NMBR: variants seen among roughly 807,000 people sequenced by gnomAD.
The protein encoded by NMBR is neuromedin-B receptor.
A neutral mutation model predicts 20.5 loss-of-function variants in NMBR; 16 were observed. The ratio of observed to expected loss-of-function variants is 0.78; its 90% CI spans 0.53 to 1.19. NMBR has a LOEUF of 1.19. Ranked by LOEUF, NMBR falls within the 50% of genes most tolerant of loss-of-function variation. The pLI, the probability that NMBR is intolerant of heterozygous loss-of-function variation, is 0.00. For synonymous variants in NMBR, 212 were observed against 196.6 expected (o/e 1.08, Z -0.65); for missense variants, 582 against 499.1 (o/e 1.17, Z -1.58).
Position 142,075,211 on chromosome 6 carries a change from C to T in NMBR, c.*437G>A, listed in dbSNP as rs948031985. ...AATAGGAGTTTGAATATTACCCTCA[C>T]TGAATCATTGAGTCAATATAGAAAT... On this transcript the variant is annotated 3_prime_UTR_variant, in exon 4 of 4. Transcript: ENST00000258042. Among the ~76,000 whole-genome samples, 5 of 152,130 alleles carry T rather than the reference C, an allele frequency of 3.3e-5. No homozygotes were observed. In the East Asian group the frequency reaches 7.7e-4, roughly 24 times the overall value.
intron 1 of NMBR, among the ~76,000 whole-genome samples, chr6:142,091,731 C>T (rs1777328463): frequency 6.6e-6 from 1 of 152,072 alleles, no homozygotes; most frequent in South Asian, 2.1e-4. Flanking sequence ...TCTGTTATGT[C>T]TCTTTGTTTC....
At chr6:142,131,922 T>C (rs1334822986) in intron 1 of NMBR, among the ~76,000 whole-genome samples, 1 of 152,216 alleles carries the variant, frequency 6.6e-6, no homozygotes, top group Non-Finnish European at 1.5e-5. Flanking sequence ...TTCCTTCTTA[T>C]GCAAATGGTT....
chr6:142,132,677 T>A (rs1369263861), intron 1 of NMBR, among the ~76,000 whole-genome samples: 1 of 152,222 alleles, frequency 6.6e-6, no homozygotes, highest in Non-Finnish European at 1.5e-5. Context: ...ATTTCCCATG[T>A]ACTTTTCCTT....
intron 1 of NMBR, among the ~76,000 whole-genome samples, chr6:142,100,015 CT>C (rs1777530872): frequency 6.6e-6 from 1 of 152,106 alleles, no homozygotes; most frequent in Non-Finnish European, 1.5e-5. Flanking sequence ...CAAGATACCC[CT>C]ATACATTTAT....
chr6:142,097,316 G>T (rs1777474011), intron 1 of NMBR, among the ~76,000 whole-genome samples: 1 of 152,130 alleles, frequency 6.6e-6, no homozygotes, highest in African/African-American at 2.4e-5. Flanking sequence ...GGTACCAGTT[G>T]TTCCTTTCCA....
At chr6:142,100,209 C>T (rs1468637971) in intron 1 of NMBR, among the ~76,000 whole-genome samples, 1 of 152,172 alleles carries the variant, frequency 6.6e-6, no homozygotes, top group Non-Finnish European at 1.5e-5. Flanking sequence ...ACACTCCTTC[C>T]TGTTTACCCA....
intron 2 of NMBR, among the ~76,000 whole-genome samples, chr6:142,086,447 G>GA (rs1777201345): frequency 1.3e-5 from 2 of 151,994 alleles, no homozygotes; most frequent in African/African-American, 4.8e-5. Context: ...TGCTCTAGAA[G>GA]AAAAATAGAA....
chr6:142,144,488 C>T (rs1778400181), intron 1 of NMBR, among the ~76,000 whole-genome samples: 1 of 152,126 alleles, frequency 6.6e-6, no homozygotes, highest in Admixed American at 6.5e-5. Context: ...CCCTCACCCC[C>T]TATTTTGTTC....
chr6:142,137,336 C>T lies in NMBR; in HGVS notation c.-664+9708G>A, dbSNP rs527313989. On this transcript the variant is annotated intron_variant, in intron 1 of 3. Transcript: ENST00000258042. Reference sequence around the variant, plus strand: ...TCTACGAATGCTTGTGATTTTTGTACATTGATTTTGTATCCTGAGACTTTG... The same window carrying T: ...TCTACGAATGCTTGTGATTTTTGTATATTGATTTTGTATCCTGAGACTTTG... Among the ~76,000 whole-genome samples the T allele has an allele frequency of 7.2e-5, 11 of 152,172 alleles. No individual in the cohort carries two copies. The East Asian group carries it at 1.7e-3, about 24-fold the overall frequency.
Position 142,098,691 on chromosome 6 carries a change from C to T in NMBR, c.-663-9370G>A, listed in dbSNP as rs150149109. Among the ~76,000 whole-genome samples the T allele has an allele frequency of 5.1e-4, 77 of 152,152 alleles. No homozygotes were observed. In the East Asian group the frequency reaches 0.015, roughly 29 times the overall value. On this transcript the variant is annotated intron_variant, in intron 1 of 3. Transcript: ENST00000258042. ...AGAACTAAATAAATAAAAAGATATTCCATATTCATGGATTGGAAAACTCAA... is the reference window on the plus strand; with the variant it reads ...AGAACTAAATAAATAAAAAGATATTTCATATTCATGGATTGGAAAACTCAA...
chr6:142,141,140 G>A (rs1778355112), intron 1 of NMBR, among the ~76,000 whole-genome samples: 1 of 152,158 alleles, frequency 6.6e-6, no homozygotes, highest in African/African-American at 2.4e-5. Context: ...CTTTTCAAGT[G>A]TGTGTGTAAC....
At chr6:142,140,470 T>C (rs1778346095) in intron 1 of NMBR, among the ~76,000 whole-genome samples, 2 of 151,894 alleles carry the variant, frequency 1.3e-5, no homozygotes, top group African/African-American at 4.8e-5. Context: ...ATTCAATTAA[T>C]ATAAAAGGTG....
Position 142,078,758 on chromosome 6 carries a change from A to G in NMBR, c.568T>C (p.Leu190=). The G allele has an allele frequency of 6.2e-7, 1 of 1,614,042 alleles. No individual in the cohort carries two copies. Among genetic ancestry groups the G allele is most frequent in the Middle Eastern group, 1.6e-4 (1 of 6,062 alleles). Reference sequence around the variant, plus strand: ...CATGCTGTGAAGCTGCTATTATCCAAGCTACTGATGCGAGCCACTTCTGAA... The same window carrying G: ...CATGCTGTGAAGCTGCTATTATCCAGGCTACTGATGCGAGCCACTTCTGAA... The part of the protein sequence containing the change: ...VFSEVARISS[L]DNSSFTACIP... Residue 190 remains leucine, a synonymous_variant, in exon 3 of 4, where the codon TTG becomes CTG. Coordinates refer to ENST00000258042, the MANE Select transcript of NMBR (RefSeq NM_002511.4).
intron 1 of NMBR, among the ~76,000 whole-genome samples, chr6:142,124,803 A>G (rs965500909): frequency 6.6e-6 from 1 of 151,970 alleles, no homozygotes; most frequent in African/African-American, 2.4e-5. Context: ...ATTACTGACA[A>G]TAAATCTCAG....
intron 1 of NMBR, among the ~76,000 whole-genome samples, chr6:142,099,693 G>A (rs1023886191): frequency 5.9e-5 from 9 of 152,148 alleles, no homozygotes; most frequent in African/African-American, 1.7e-4. Flanking sequence ...AAAAATAATT[G>A]ATCAGCTATA....
intron 1 of NMBR, among the ~76,000 whole-genome samples, chr6:142,099,263 A>G (rs1777515495): frequency 6.6e-6 from 1 of 152,206 alleles, no homozygotes; most frequent in Admixed American, 6.6e-5. Context: ...TCGTTTTCAC[A>G]CTGCTATAAA....
At chr6:142,144,535 G>A (rs1406132124) in intron 1 of NMBR, among the ~76,000 whole-genome samples, 1 of 152,020 alleles carries the variant, frequency 6.6e-6, no homozygotes, top group Non-Finnish European at 1.5e-5. Context: ...CAAGGTTCTA[G>A]CCCAGTCCTA....
In NMBR at chr6:142,075,621, T is replaced by G. The variant is rs79017077; in HGVS notation, c.*27A>C. 234 of 1,577,664 alleles carry G rather than the reference T, an allele frequency of 1.5e-4. 1 individual carries two copies. In the East Asian group the frequency reaches 5.2e-3, roughly 35 times the overall value. On this transcript the variant is annotated 3_prime_UTR_variant, in exon 4 of 4. Coordinates refer to ENST00000258042, the MANE Select transcript of NMBR (RefSeq NM_002511.4). Reference sequence around the variant, plus strand: ...GAATTTTAACAGTTACTAAGTTCTCTCCAGGTAGTGAGTTGAATGGCCAAA... The same window carrying G: ...GAATTTTAACAGTTACTAAGTTCTCGCCAGGTAGTGAGTTGAATGGCCAAA...
intron 2 of NMBR, 52 bp downstream of exon 2, chr6:142,088,185 T>C (rs1777235003): frequency 8.3e-6 from 13 of 1,568,634 alleles, no homozygotes; most frequent in Non-Finnish European, 1.1e-5. Flanking sequence ...TCTTCTCTAC[T>C]CGCCCCTCTC....
Sources: allele counts gnomAD v4.1 joint callset (sites outside exome capture counted in the v4.1 genomes callset), GRCh38; gene constraint gnomAD v4.1.1; transcripts MANE v1.5; gene names NCBI Gene and HGNC (gene_info 2026-07-23, HGNC 2026-07-21).